The following ATP13A5 variants were observed in gnomAD, a reference collection of about 807,000 sequenced individuals.
ATP13A5 encodes ATPase 13A5.
A neutral mutation model predicts 150.2 loss-of-function variants in ATP13A5; 149 were observed. The ratio of observed to expected loss-of-function variants is 0.99; its 90% CI spans 0.87 to 1.14. The LOEUF (loss-of-function observed/expected upper bound fraction) is 1.14, where lower values mean the gene tolerates loss of function less well. ATP13A5 is among the 50% of genes most tolerant of loss of function. The probability of loss-of-function intolerance (pLI) is 0.00; values close to 1 mark genes in which losing one functional copy is unlikely to be tolerated. For missense variants in ATP13A5, 1,383 were observed against 1,449.3 expected, an observed-to-expected ratio of 0.95 and a Z score of 0.74; for synonymous variants, 497 against 522.2, an observed-to-expected ratio of 0.95 and a Z score of 0.66.
intron 2 of ATP13A5, among the ~76,000 whole-genome samples, chr3:193,363,888 A>G (rs1713135431): frequency 6.6e-6 from 1 of 152,180 alleles, no homozygotes; most frequent in Non-Finnish European, 1.5e-5. Context: ...CCCAAGCTGA[A>G]GCAGAAGAAA....
Position 193,276,847 on chromosome 3 carries a change from AC to A in ATP13A5, c.3316-18del, listed in dbSNP as rs903560418. ...TGGGATCAACTGTTGAAAAACAAAT[AC>A]CATTATTATATTTTGCACACTTCAC... On this transcript the variant is annotated intron_variant, in intron 28 of 29. Coordinates refer to ENST00000342358, the MANE Select transcript of ATP13A5 (RefSeq NM_198505.4). The A allele has an allele frequency of 6.3e-7, 1 of 1,587,538 alleles. No homozygotes were observed. The highest frequency in any genetic ancestry group is 8.6e-7 in the Non-Finnish European group (1 of 1,158,448).
chr3:193,368,709 G>A (rs1029422745), intron 1 of ATP13A5, among the ~76,000 whole-genome samples: 1 of 152,096 alleles, frequency 6.6e-6, no homozygotes, highest in Non-Finnish European at 1.5e-5. Context: ...CAGTGCCAGA[G>A]CAAAACGAAT....
chr3:193,362,778 TTTCTTTCTTTC>T, intron 3 of ATP13A5, 141 bp from the exon 4 acceptor site: 1 of 507,172 alleles, frequency 2.0e-6, no homozygotes, highest in Admixed American at 3.4e-5. Flanking sequence ...TCTTTCTTTC[TTTCTTTCTTTC>T]TTTCTTTCTT....
chr3:193,333,144 C>CACACACACACACAA (rs1320301743), intron 11 of ATP13A5, among the ~76,000 whole-genome samples: 2 of 150,512 alleles, frequency 1.3e-5, no homozygotes, highest in Non-Finnish European at 2.9e-5. Context: ...CTCTCTCACA[C>CACACACACACACAA]ACACACACAC....
Position 193,324,865 on chromosome 3 carries a change from C to T in ATP13A5, c.1673G>A (p.Trp558Ter). The T allele has an allele frequency of 6.2e-7, 1 of 1,613,558 alleles. No individual in the cohort carries two copies. The highest frequency in any genetic ancestry group is 8.5e-7 in the Non-Finnish European group (1 of 1,179,804). ...CTTTCCATTAAACTATCACCTTACC[C>T]AGGCAGTGCCCTCAAACATTTTGAG... is the stretch of plus-strand genomic sequence containing the variant. Reference protein sequence around the residue: ...LDLKMFEGTAWKMEDCIVDSC... With the variant: ...LDLKMFEGTA The change falls in exon 14 of 30, where the codon TGG becomes TAG. Residue 558 changes from tryptophan to a stop codon, truncating the protein, a stop_gained and splice_region_variant. Transcript: ENST00000342358. LOFTEE classifies it high-confidence loss of function.
At chr3:193,344,359 G>T (rs1341329957) in intron 8 of ATP13A5, among the ~76,000 whole-genome samples, 1 of 152,158 alleles carries the variant, frequency 6.6e-6, no homozygotes, top group African/African-American at 2.4e-5. Flanking sequence ...CCTGCTGTTT[G>T]CTCTCGTCCG....
intron 12 of ATP13A5, 29 bp from the exon 13 acceptor site, chr3:193,327,086 A>G: frequency 8.9e-6 from 14 of 1,578,670 alleles, no homozygotes; most frequent in Non-Finnish European, 1.2e-5. Flanking sequence ...CAATATTAGC[A>G]TAAGATTTAA....
chr3:193,305,712 G>A, intron 22 of ATP13A5, 44 bp from the exon 23 acceptor site: 3 of 1,540,092 alleles, frequency 1.9e-6, no homozygotes, highest in Non-Finnish European at 2.7e-6. Context: ...TTTCAGGTTA[G>A]GCTTTACCTC....
At chr3:193,291,528 T>C (rs1263838708) in intron 25 of ATP13A5, among the ~76,000 whole-genome samples, 1 of 152,046 alleles carries the variant, frequency 6.6e-6, no homozygotes, top group Non-Finnish European at 1.5e-5. Context: ...TTAAGATGAC[T>C]CAGGAAGGGT....
chr3:193,278,074 G>A (rs1183366636), intron 28 of ATP13A5, among the ~76,000 whole-genome samples: 1 of 152,166 alleles, frequency 6.6e-6, no homozygotes, highest in Non-Finnish European at 1.5e-5. Context: ...AGAGTGCAGG[G>A]ATTACAGGCA....
intron 9 of ATP13A5, among the ~76,000 whole-genome samples, chr3:193,337,644 T>G (rs563172478): frequency 6.6e-6 from 1 of 152,326 alleles, no homozygotes; most frequent in South Asian, 2.1e-4. Flanking sequence ...CCTTGTAGTA[T>G]AGTTTGAAGT....
intron 27 of ATP13A5, among the ~76,000 whole-genome samples, chr3:193,280,255 A>G (rs1328534862): frequency 6.6e-6 from 1 of 152,016 alleles, no homozygotes; most frequent in Non-Finnish European, 1.5e-5. Context: ...GGGTTTCACC[A>G]TATTGGCCAG....
At chr3:193,316,140 T>C (rs186507959) in intron 17 of ATP13A5, among the ~76,000 whole-genome samples, 3 of 152,292 alleles carry the variant, frequency 2.0e-5, no homozygotes, top group Admixed American at 2.0e-4. Context: ...GGCAAGATTT[T>C]CTCCTTTTCT....
At chr3:193,340,433 G>A (rs1372852150) in intron 9 of ATP13A5, among the ~76,000 whole-genome samples, 6 of 152,176 alleles carry the variant, frequency 3.9e-5, no homozygotes, top group South Asian at 2.1e-4. Context: ...AAGAGAGGAC[G>A]AAAGGATCAA....
chr3:193,371,898 G>A (rs1713454494), intron 1 of ATP13A5, among the ~76,000 whole-genome samples: 1 of 152,050 alleles, frequency 6.6e-6, no homozygotes, highest in Non-Finnish European at 1.5e-5. Flanking sequence ...AATAATAGGA[G>A]TCCTAGCTTC....
At chr3:193,370,969 A>G (rs1713417850) in intron 1 of ATP13A5, among the ~76,000 whole-genome samples, 1 of 152,218 alleles carries the variant, frequency 6.6e-6, no homozygotes, top group Non-Finnish European at 1.5e-5. Flanking sequence ...GGCTACAGGT[A>G]TTCCCATAAT....
At chr3:193,284,007 GATT>G (rs3048432) in intron 27 of ATP13A5, among the ~76,000 whole-genome samples, 60 of 141,904 alleles carry the variant, frequency 4.2e-4, no homozygotes, top group African/African-American at 1.3e-3. Context: ...TTGGCCTGCG[GATT>G]ATTATTATTA....
At chr3:193,302,161 C>T (rs538398742) in intron 23 of ATP13A5, among the ~76,000 whole-genome samples, 1 of 152,298 alleles carries the variant, frequency 6.6e-6, no homozygotes, top group Admixed American at 6.5e-5. Flanking sequence ...TCCCCAGTAA[C>T]ATGGACACCT....
chr3:193,327,362 G>T (rs1719503145), intron 12 of ATP13A5, among the ~76,000 whole-genome samples: 1 of 152,146 alleles, frequency 6.6e-6, no homozygotes, highest in South Asian at 2.1e-4. Context: ...TGTTAACCAG[G>T]AGAGGTTCAG....
Sources: gnomAD v4.1 joint callset for allele counts (sites outside exome capture counted in the v4.1 genomes callset) on GRCh38, gnomAD v4.1.1 for gene constraint, MANE v1.5 for transcripts, NCBI Gene and HGNC (gene_info 2026-07-23, HGNC 2026-07-21) for gene names.